PSG3: variants seen among roughly 807,000 people sequenced by gnomAD.
PSG3 encodes pregnancy-specific beta-1-glycoprotein 3.
PSG3 carries 61 observed loss-of-function variants against 47.5 expected under a neutral mutation model. That is an observed-to-expected ratio of 1.28 (90% CI 1.05 to 1.59). The LOEUF is 1.59. PSG3 is among the 40% of genes most tolerant of loss of function. The pLI, the probability that PSG3 is intolerant of heterozygous loss-of-function variation, is 0.00. For synonymous variants in PSG3, 263 were observed against 198.4 expected (o/e 1.33, Z -2.74); for missense variants, 756 against 524.0 (o/e 1.44, Z -4.32).
chr19:42,723,625 A>G (rs761750465), intron 6 of PSG3, among the ~76,000 whole-genome samples: 2 of 152,240 alleles, frequency 1.3e-5, no homozygotes, highest in Non-Finnish European at 2.9e-5. Flanking sequence ...CTTTATGGGA[A>G]TGGAGAGAAT....
chr19:42,723,962 CA>C lies in PSG3; in HGVS notation c.*19del, dbSNP rs754893393. On this transcript the variant is annotated 3_prime_UTR_variant, in exon 6 of 7. Coordinates refer to ENST00000327495, the MANE Select transcript of PSG3 (RefSeq NM_021016.4). ...CATACCTGCCAGTCTTCCTGAAATA[CA>C]GAAATGACATCACGGCTGCTATAAT... is the stretch of plus-strand genomic sequence containing the variant. 1.2e-6 allele frequency: 2 copies of C among 1,600,576 alleles called. No homozygotes were observed. The highest frequency in any genetic ancestry group is 3.3e-5 in the Admixed American group (2 of 59,994).
At chr19:42,739,684 C>G (rs555948720) in intron 1 of PSG3, among the ~76,000 whole-genome samples, 9 of 151,640 alleles carry the variant, frequency 5.9e-5, no homozygotes, top group Admixed American at 3.3e-4. Flanking sequence ...TTTCTTCCCC[C>G]AGTTGTTGAG....
chr19:42,738,052 G>T (rs1468971651), intron 2 of PSG3, among the ~76,000 whole-genome samples: 1 of 152,196 alleles, frequency 6.6e-6, no homozygotes, highest in Non-Finnish European at 1.5e-5. Context: ...GGGGACATTA[G>T]ACTTTCTATG....
chr19:42,738,314 A>G (rs2037683004), intron 2 of PSG3, among the ~76,000 whole-genome samples: 1 of 152,200 alleles, frequency 6.6e-6, no homozygotes, highest in African/African-American at 2.4e-5. Context: ...TATCTGGAGC[A>G]AGGATTTAGG....
At chr19:42,739,152 C>T (rs537359280) in intron 1 of PSG3, 63 bp from the exon 2 acceptor site, 9 of 1,533,402 alleles carry the variant, frequency 5.9e-6, no homozygotes, top group Middle Eastern at 1.8e-4. Flanking sequence ...AAAGATGTGG[C>T]CCTGGGTCCT....
intron 5 of PSG3, among the ~76,000 whole-genome samples, chr19:42,726,232 A>C (rs1969376160): frequency 6.6e-6 from 1 of 152,230 alleles, no homozygotes; most frequent in African/African-American, 2.4e-5. Context: ...ATGAGCAGGA[A>C]CAAGACAAGG....
At position 42,739,205 on chromosome 19, in the gene PSG3, C is replaced by A. The variant is rs1334044102; in HGVS notation, c.65-116G>T. The A allele has an allele frequency of 2.9e-6, 4 of 1,390,188 alleles. No homozygotes were observed. In the African/African-American group the frequency reaches 5.9e-5, roughly 21 times the overall value. 86.1% of individuals were successfully genotyped at this position (1,390,188 alleles called of 1,614,324 possible). A position where few individuals can be genotyped will look rare whatever the true frequency, so the allele number is the denominator to read the frequency against. ...CCTCAGCTTTGAAGAGACACACACA[C>A]ACACATACAAACACACACACACACA... is the stretch of plus-strand genomic sequence containing the variant. On this transcript the variant is annotated intron_variant, in intron 1 of 6. Transcript: ENST00000327495.
At position 42,722,058 on chromosome 19, in the gene PSG3, G is replaced by T. The variant is rs551785333; in HGVS notation, c.*73C>A. 98 of 414,722 alleles carry T rather than the reference G, an allele frequency of 2.4e-4. No homozygotes were observed. Among genetic ancestry groups the T allele is most frequent in the Non-Finnish European group, 4.1e-4 (93 of 226,126 alleles). The allele number at this position is 414,722 out of a possible 1,614,324, so 25.7% of individuals were successfully genotyped here. A position where few individuals can be genotyped will look rare whatever the true frequency, so the allele number is the denominator to read the frequency against. On this transcript the variant is annotated 3_prime_UTR_variant, in exon 7 of 7. Coordinates refer to ENST00000327495, the MANE Select transcript of PSG3 (RefSeq NM_021016.4). Reference sequence around the variant, plus strand: ...AAGCAATTTTGGACTGTAGCTGATGGTAAATACTTTGAGGAAGAATGAAAG... The same window carrying T: ...AAGCAATTTTGGACTGTAGCTGATGTTAAATACTTTGAGGAAGAATGAAAG...
At position 42,740,463 on chromosome 19, in the gene PSG3, T is replaced by A; in HGVS notation, c.-79A>T. On this transcript the variant is annotated 5_prime_UTR_variant, in exon 1 of 7. Coordinates refer to ENST00000327495, the MANE Select transcript of PSG3 (RefSeq NM_021016.4). ...ACTTCCTGAGCATGGCTCTCAGCTG[T>A]GCTGTCCTTCCTCCTTCTGCGCTGA... is the stretch of plus-strand genomic sequence containing the variant. 1 of 1,612,188 alleles carries A rather than the reference T, an allele frequency of 6.2e-7. No homozygotes were observed. The highest frequency in any genetic ancestry group is 8.5e-7 in the Non-Finnish European group (1 of 1,179,198).
chr19:42,739,581 T>G (rs1969633268), intron 1 of PSG3: 1 of 166,626 alleles, frequency 6.0e-6, no homozygotes, highest in African/African-American at 2.4e-5. Flanking sequence ...GGACAGGGAC[T>G]TTTGTGATCT....
chr19:42,724,064 T>C, intron 5 of PSG3, 39 bp from the exon 6 acceptor site: 3 of 1,581,026 alleles, frequency 1.9e-6, no homozygotes, highest in Non-Finnish European at 2.6e-6. Context: ...ATGAAGATGA[T>C]GTTATTTTAC....
intron 1 of PSG3, 73 bp downstream of exon 1, chr19:42,740,248 A>T: frequency 1.2e-6 from 2 of 1,612,136 alleles, no homozygotes; most frequent in South Asian, 1.1e-5. Flanking sequence ...GAACCCCAGG[A>T]GTCTCTCCAG....
In PSG3 at chr19:42,730,010, C is replaced by T. The variant is rs1177204034; in HGVS notation, c.756G>A (p.Arg252=). ...TGAAGGCTAAGACATCCTTATTCTC[C>T]CTGGGGTTTAAGTTGTTGATGGTGA... ...PYITINNLNP[R]ENKDVLAFTC... is the part of the protein sequence containing the mutation. The change falls in exon 4 of 7, where the codon AGG becomes AGA. Residue 252 remains arginine (R), a synonymous_variant. Transcript: ENST00000327495. 2.5e-6 allele frequency: 4 copies of T among 1,612,474 alleles called. No homozygotes were observed. Among genetic ancestry groups the T allele is most frequent in the South Asian group, 2.2e-5 (2 of 91,000 alleles).
intron 1 of PSG3, among the ~76,000 whole-genome samples, chr19:42,739,693 A>C (rs1232055876): frequency 6.6e-6 from 1 of 151,142 alleles, no homozygotes; most frequent in Non-Finnish European, 1.5e-5. Flanking sequence ...CCAGTTGTTG[A>C]GGTTTTTTTG....
chr19:42,735,359 G>T (rs1004843674), intron 2 of PSG3, among the ~76,000 whole-genome samples: 3 of 151,854 alleles, frequency 2.0e-5, no homozygotes, highest in African/African-American at 7.3e-5. Context: ...CATTCTTCAT[G>T]TCTCTAAAAA....
chr19:42,735,792 G>A (rs1328797961), intron 2 of PSG3, among the ~76,000 whole-genome samples: 10 of 152,330 alleles, frequency 6.6e-5, no homozygotes, highest in East Asian at 5.8e-4. Context: ...GGAAGTGACC[G>A]GAGAATGTGA....
At chr19:42,722,385 G>A (rs1392076163) in intron 6 of PSG3, among the ~76,000 whole-genome samples, 1 of 152,078 alleles carries the variant, frequency 6.6e-6, no homozygotes, top group East Asian at 1.9e-4. Flanking sequence ...TGAGTAGCTG[G>A]GACTACAGGT....
intron 2 of PSG3, among the ~76,000 whole-genome samples, chr19:42,735,197 A>T (rs574659446): frequency 6.6e-6 from 1 of 152,316 alleles, no homozygotes; most frequent in East Asian, 1.9e-4. Context: ...TGTCAAATCA[A>T]AATATTAAAT....
chr19:42,729,818 A>T lies in PSG3; in HGVS notation c.948T>A (p.Tyr316Ter). 6.2e-7 allele frequency: 1 copy of T among 1,613,650 alleles called. No homozygotes were observed. Among genetic ancestry groups the T allele is most frequent in the African/African-American group, 1.3e-5 (1 of 75,018 alleles). ...GPYQCEIQDRYGGIRSYPVTL... is the reference protein window; with the variant it reads ...GPYQCEIQDR ...TGACTGGGTAACTGCGGATGCCACC[A>T]TATCGGTCCTGTATTTCACATTGAT... The change falls in exon 4 of 7, where the codon TAT becomes TAA. Residue 316 changes from tyrosine (Y) to a stop codon, truncating the protein, a stop_gained. Coordinates refer to ENST00000327495, the MANE Select transcript of PSG3 (RefSeq NM_021016.4). LOFTEE classifies it high-confidence loss of function.
Sources: allele counts gnomAD v4.1 joint callset (sites outside exome capture counted in the v4.1 genomes callset), GRCh38; gene constraint gnomAD v4.1.1; transcripts MANE v1.5; gene names NCBI Gene and HGNC (gene_info 2026-07-23, HGNC 2026-07-21).